Variants in STXBP4 observed in about 807,000 individuals in gnomAD.
STXBP4 encodes syntaxin-binding protein 4.
In STXBP4, 55 loss-of-function variants were observed where a neutral mutation model predicts 76.1. The ratio of observed to expected loss-of-function variants is 0.72; its 90% CI spans 0.58 to 0.91. The LOEUF is 0.91. Among genes scored for constraint, STXBP4 ranks in the 40% least tolerant of loss-of-function variants. The probability of loss-of-function intolerance (pLI) is 0.00; values close to 1 mark genes in which losing one functional copy is unlikely to be tolerated. For missense variants in STXBP4, 618 were observed against 636.9 expected (o/e 0.97, Z 0.32); for synonymous variants, 201 against 220.2 (o/e 0.91, Z 0.77).
the STXBP4 span, among the ~76,000 whole-genome samples, chr17:55,184,224 G>A: frequency 6.6e-6 from 1 of 151,866 alleles, no homozygotes; most frequent in African/African-American, 2.4e-5. Flanking sequence ...TTGAAAAGAG[G>A]TTGTAGAGGG....
chr17:55,055,339 A>G (rs1449724926), intron 12 of STXBP4, among the ~76,000 whole-genome samples: 3 of 152,058 alleles, frequency 2.0e-5, no homozygotes, highest in Non-Finnish European at 4.4e-5. Flanking sequence ...TCCACGTATA[A>G]TCTGACCCCA....
intron 16 of STXBP4, among the ~76,000 whole-genome samples, chr17:55,111,651 C>T (rs2079717865): frequency 6.6e-6 from 1 of 152,178 alleles, no homozygotes; most frequent in Non-Finnish European, 1.5e-5. Flanking sequence ...CATACCTGCT[C>T]CTGCTTTGCC....
chr17:55,003,407 G>A (rs764485303), intron 7 of STXBP4, among the ~76,000 whole-genome samples: 2 of 152,124 alleles, frequency 1.3e-5, no homozygotes, highest in African/African-American at 2.4e-5. Flanking sequence ...CATCAACTCA[G>A]TCTCATTTTC....
chr17:55,053,399 A>G (rs904932914), intron 12 of STXBP4, among the ~76,000 whole-genome samples: 9 of 152,152 alleles, frequency 5.9e-5, no homozygotes, highest in Non-Finnish European at 7.4e-5. Flanking sequence ...TGCATTGTGT[A>G]TAAATATTAC....
the STXBP4 span, among the ~76,000 whole-genome samples, chr17:55,187,456 G>A: frequency 6.6e-6 from 1 of 151,940 alleles, no homozygotes; most frequent in South Asian, 2.1e-4. Context: ...CAACAACAGT[G>A]TTCTATGGAG....
At chr17:55,134,564 A>C (rs1461752364) in intron 16 of STXBP4, among the ~76,000 whole-genome samples, 1 of 152,124 alleles carries the variant, frequency 6.6e-6, no homozygotes, top group African/African-American at 2.4e-5. Context: ...AGCCCTTTAA[A>C]AGTAAGAAGT....
intron 3 of STXBP4, 33 bp from the exon 4 acceptor site, chr17:54,990,792 C>A: frequency 6.4e-7 from 1 of 1,570,150 alleles, no homozygotes; most frequent in Non-Finnish European, 8.6e-7. Context: ...GATCTCTAGA[C>A]TAACCTGTGT....
chr17:55,057,067 T>TA (rs2078933740), intron 12 of STXBP4, among the ~76,000 whole-genome samples: 1 of 151,986 alleles, frequency 6.6e-6, no homozygotes, highest in Non-Finnish European at 1.5e-5. Context: ...TATAAACTCT[T>TA]ATACTTATCT....
intron 13 of STXBP4, among the ~76,000 whole-genome samples, chr17:55,077,723 G>A (rs954680408): frequency 4.0e-5 from 6 of 150,886 alleles, no homozygotes; most frequent in African/African-American, 1.5e-4. Flanking sequence ...GTGTGTGTGT[G>A]TGTGTGTATC....
chr17:55,025,871 T>G (rs1325665469), intron 8 of STXBP4, among the ~76,000 whole-genome samples: 1 of 152,192 alleles, frequency 6.6e-6, no homozygotes, highest in African/African-American at 2.4e-5. Context: ...GATGTGATCT[T>G]GTATATAAGA....
At chr17:54,984,487 C>A (rs2077597549) in intron 1 of STXBP4, among the ~76,000 whole-genome samples, 2 of 151,710 alleles carry the variant, frequency 1.3e-5, no homozygotes, top group African/African-American at 2.4e-5. Flanking sequence ...GGACTACAGG[C>A]GCTGCCACCA....
intron 12 of STXBP4, among the ~76,000 whole-genome samples, chr17:55,069,330 C>T (rs1035011449): frequency 6.6e-6 from 1 of 152,054 alleles, no homozygotes; most frequent in Admixed American, 6.6e-5. Context: ...GAATTAAACT[C>T]TATCTAGTAC....
At chr17:55,082,599 C>T (rs2079269936) in intron 16 of STXBP4, among the ~76,000 whole-genome samples, 1 of 152,066 alleles carries the variant, frequency 6.6e-6, no homozygotes, top group Non-Finnish European at 1.5e-5. Context: ...GGATGTTTAG[C>T]ATTCCTAGTA....
chr17:54,995,447 T>C (rs766207347), intron 4 of STXBP4, among the ~76,000 whole-genome samples: 3 of 152,248 alleles, frequency 2.0e-5, no homozygotes, highest in Non-Finnish European at 4.4e-5. Flanking sequence ...TTCTAAGATA[T>C]ACATTAAAAC....
intron 12 of STXBP4, 83 bp from the exon 13 acceptor site, chr17:55,072,817 C>T (rs2079137473): frequency 1.6e-6 from 2 of 1,216,216 alleles, no homozygotes; most frequent in East Asian, 2.7e-5. Context: ...ATTATAACTT[C>T]CAGAGCAAGG....
At chr17:55,193,262 G>A in the STXBP4 span, among the ~76,000 whole-genome samples, 2 of 152,132 alleles carry the variant, frequency 1.3e-5, no homozygotes, top group African/African-American at 2.4e-5. Context: ...GAGGTAGAGC[G>A]AGTAAAGGAG....
chr17:54,978,080 G>C (rs1356179150), intron 1 of STXBP4, among the ~76,000 whole-genome samples: 4 of 152,106 alleles, frequency 2.6e-5, no homozygotes, highest in African/African-American at 9.7e-5. Context: ...GGGTCATACT[G>C]ATCTTAGAGG....
At chr17:55,201,584 T>C in the STXBP4 span, among the ~76,000 whole-genome samples, 2 of 152,210 alleles carry the variant, frequency 1.3e-5, no homozygotes, top group African/African-American at 4.8e-5. Flanking sequence ...CTCATTCCCA[T>C]CAGCTTCCAA....
chr17:55,014,697 G>GA (rs1167951793), intron 8 of STXBP4, among the ~76,000 whole-genome samples: 1 of 152,134 alleles, frequency 6.6e-6, no homozygotes, highest in African/African-American at 2.4e-5. Flanking sequence ...TGACTCAGAG[G>GA]ACCTTCATCC....
Sources: allele counts gnomAD v4.1 joint callset (sites outside exome capture counted in the v4.1 genomes callset), GRCh38; gene constraint gnomAD v4.1.1; transcripts MANE v1.5; gene names NCBI Gene and HGNC (gene_info 2026-07-23, HGNC 2026-07-21).